CDK14: variants seen among roughly 807,000 people sequenced by gnomAD.
CDK14 encodes cyclin dependent kinase 14.
Under a neutral mutation model 60.7 loss-of-function variants are expected in CDK14, and 34 were observed. That is an observed-to-expected ratio of 0.56 (90% CI 0.43 to 0.75). The LOEUF is 0.75. Ranked by LOEUF, CDK14 falls within the 30% of genes least tolerant of loss-of-function variation. The pLI is 0.00. For missense variants in CDK14, 482 were observed against 564.1 expected (o/e 0.85, Z 1.47); for synonymous variants, 197 against 203.7 (o/e 0.97, Z 0.28).
intron 5 of CDK14, among the ~76,000 whole-genome samples, chr7:90,862,695 A>G (rs1363745090): frequency 6.6e-6 from 1 of 152,158 alleles, no homozygotes; most frequent in Non-Finnish European, 1.5e-5. Context: ...TCCCCACCCA[A>G]CATCAGCAGA....
intron 14 of CDK14, among the ~76,000 whole-genome samples, chr7:91,135,500 G>A (rs1470447499): frequency 6.6e-6 from 1 of 152,164 alleles, no homozygotes; most frequent in African/African-American, 2.4e-5. Context: ...AGAAAAGATA[G>A]CCGGGTAAGA....
At chr7:90,957,999 C>A (rs1794483684) in intron 9 of CDK14, among the ~76,000 whole-genome samples, 1 of 152,082 alleles carries the variant, frequency 6.6e-6, no homozygotes, top group African/African-American at 2.4e-5. Context: ...TAGAATTCCA[C>A]TGTGTATTCA....
chr7:90,646,749 A>T (rs1041126087), intron 2 of CDK14, among the ~76,000 whole-genome samples: 1 of 152,180 alleles, frequency 6.6e-6, no homozygotes, highest in African/African-American at 2.4e-5. Context: ...TTCTGTTCAT[A>T]GGTTGCATGC....
At chr7:90,934,664 A>T (rs1793696290) in intron 8 of CDK14, among the ~76,000 whole-genome samples, 1 of 152,234 alleles carries the variant, frequency 6.6e-6, no homozygotes, top group African/African-American at 2.4e-5. Flanking sequence ...CTAAGAATGA[A>T]TTCAGTGATC....
At chr7:91,045,167 G>A (rs1288807472) in intron 10 of CDK14, among the ~76,000 whole-genome samples, 1 of 152,034 alleles carries the variant, frequency 6.6e-6, no homozygotes, top group South Asian at 2.1e-4. Context: ...TCAGTGATTT[G>A]CCATGATCAT....
intron 14 of CDK14, among the ~76,000 whole-genome samples, chr7:91,174,998 A>G (rs1478328547): frequency 6.9e-6 from 1 of 145,250 alleles, no homozygotes; most frequent in Non-Finnish European, 1.5e-5. Context: ...TCCAAGACAC[A>G]TAATTGCCAG....
intron 8 of CDK14, among the ~76,000 whole-genome samples, chr7:90,926,780 G>C (rs2117453921): frequency 6.6e-6 from 1 of 152,274 alleles, no homozygotes; most frequent in East Asian, 1.9e-4. Context: ...GGCTTAGTCT[G>C]CAAGACTACC....
chr7:90,926,200 C>G (rs1415901271), intron 8 of CDK14, among the ~76,000 whole-genome samples: 1 of 152,048 alleles, frequency 6.6e-6, no homozygotes, highest in Admixed American at 6.6e-5. Flanking sequence ...ACTGGATGTT[C>G]AGGTCGAAGT....
intron 2 of CDK14, among the ~76,000 whole-genome samples, chr7:90,645,839 T>G (rs899028644): frequency 1.3e-5 from 2 of 152,250 alleles, no homozygotes; most frequent in Non-Finnish European, 2.9e-5. Flanking sequence ...GAAAATGTGT[T>G]GTCCTACTTC....
At chr7:91,164,234 G>A (rs972413409) in intron 14 of CDK14, among the ~76,000 whole-genome samples, 9 of 152,154 alleles carry the variant, frequency 5.9e-5, no homozygotes, top group African/African-American at 2.2e-4. Context: ...ATGAACAAGT[G>A]ATTACAATCA....
intron 2 of CDK14, among the ~76,000 whole-genome samples, chr7:90,668,696 A>ATTATTTTTTTTTT (rs1554431005): frequency 1.0e-3 from 70 of 68,414 alleles, no homozygotes; most frequent in South Asian, 1.5e-3. Context: ...AAGGACTCGC[A>ATTATTTTTTTTTT]TTCTTTTTTT....
intron 2 of CDK14, among the ~76,000 whole-genome samples, chr7:90,612,900 T>C (rs915065158): frequency 3.3e-5 from 5 of 152,166 alleles, no homozygotes; most frequent in African/African-American, 1.2e-4. Flanking sequence ...AGACTGTTCT[T>C]TAATTATGCC....
chr7:90,949,272 G>A (rs956285163), intron 8 of CDK14, among the ~76,000 whole-genome samples: 28 of 151,926 alleles, frequency 1.8e-4, no homozygotes, highest in African/African-American at 6.0e-4. Flanking sequence ...ATGCGATCTC[G>A]GCTCACTGCA....
intron 4 of CDK14, among the ~76,000 whole-genome samples, chr7:90,766,163 T>C (rs1804548062): frequency 6.6e-6 from 1 of 152,206 alleles, no homozygotes; most frequent in Non-Finnish European, 1.5e-5. Context: ...ATTTTCTTCA[T>C]TGATACTAGT....
chr7:90,956,150 G>C (rs1193305260), intron 9 of CDK14, among the ~76,000 whole-genome samples: 1 of 152,142 alleles, frequency 6.6e-6, no homozygotes, highest in African/African-American at 2.4e-5. Flanking sequence ...CAACAGGATT[G>C]GAGTAGCAGG....
chr7:90,714,255 G>A (rs1427226949), intron 2 of CDK14, among the ~76,000 whole-genome samples: 1 of 152,022 alleles, frequency 6.6e-6, no homozygotes, highest in Non-Finnish European at 1.5e-5. Context: ...ATTTGCCCCA[G>A]CAGCTTATTC....
chr7:91,057,886 A>C lies in CDK14; in HGVS notation c.1105+11926A>C, dbSNP rs542374751. Among the ~76,000 whole-genome samples, 8 of 152,114 alleles carry C rather than the reference A, an allele frequency of 5.3e-5. No individual in the cohort carries two copies. The East Asian group carries it at 5.8e-4, about 11-fold the overall frequency. Reference sequence around the variant, plus strand: ...TTGGCTTAGGATTGACTTGGCAATGAGGGCTCTTTTTTGGTTCCATATGAA... The same window carrying C: ...TTGGCTTAGGATTGACTTGGCAATGCGGGCTCTTTTTTGGTTCCATATGAA... On this transcript the variant is annotated intron_variant, in intron 11 of 14. Transcript: ENST00000380050.
intron 10 of CDK14, among the ~76,000 whole-genome samples, chr7:91,013,748 A>C (rs1311542086): frequency 2.7e-5 from 4 of 148,894 alleles, no homozygotes; most frequent in African/African-American, 1.0e-4. Flanking sequence ...GGAGAATCAT[A>C]GTGTCTCACA....
intron 11 of CDK14, among the ~76,000 whole-genome samples, chr7:91,066,170 T>C (rs1418919300): frequency 6.6e-6 from 1 of 152,138 alleles, no homozygotes; most frequent in Non-Finnish European, 1.5e-5. Flanking sequence ...TTTAGAAGAG[T>C]TAATTATGAA....
Sources: allele counts gnomAD v4.1 joint callset (sites outside exome capture counted in the v4.1 genomes callset), GRCh38; gene constraint gnomAD v4.1.1; transcripts MANE v1.5; gene names NCBI Gene and HGNC (gene_info 2026-07-23, HGNC 2026-07-21).